Variants in BCKDHB observed in about 807,000 individuals in gnomAD.
BCKDHB encodes branched chain keto acid dehydrogenase E1 subunit beta.
In BCKDHB, 41 loss-of-function variants were observed where a neutral mutation model predicts 48.5. That is an observed-to-expected ratio of 0.85 (90% confidence interval 0.66 to 1.10). The LOEUF (loss-of-function observed/expected upper bound fraction) is 1.10, where lower values mean the gene tolerates loss of function less well. Ranked by LOEUF, BCKDHB falls within the 50% of genes least tolerant of loss-of-function variation. BCKDHB has a pLI of 0.00. For synonymous variants in BCKDHB, 201 were observed against 174.8 expected, an observed-to-expected ratio of 1.15 and a Z score of -1.18; for missense variants, 496 against 494.2, an observed-to-expected ratio of 1.00 and a Z score of -0.03.
intron 8 of BCKDHB, among the ~76,000 whole-genome samples, chr6:80,217,715 C>A (rs1314112545): frequency 6.6e-6 from 1 of 152,166 alleles, no homozygotes; most frequent in Non-Finnish European, 1.5e-5. Flanking sequence ...ATACATTGCA[C>A]AGATATTTCT....
intron 3 of BCKDHB, among the ~76,000 whole-genome samples, chr6:80,160,897 T>G (rs1772279737): frequency 6.6e-6 from 1 of 152,224 alleles, no homozygotes; most frequent in African/African-American, 2.4e-5. Flanking sequence ...ATTTCTTTTA[T>G]TTTAGTTATC....
At chr6:80,110,397 G>GT (rs1380931403) in intron 1 of BCKDHB, among the ~76,000 whole-genome samples, 2 of 152,134 alleles carry the variant, frequency 1.3e-5, no homozygotes, top group African/African-American at 2.4e-5. Flanking sequence ...ACTTTTTGTA[G>GT]TTTTTTCATC....
chr6:80,263,072 T>C (rs1353310089), intron 8 of BCKDHB, among the ~76,000 whole-genome samples: 1 of 152,216 alleles, frequency 6.6e-6, no homozygotes, highest in African/African-American at 2.4e-5. Flanking sequence ...TTAAATTGTA[T>C]TTCTGGAGAA....
At chr6:80,122,536 C>T (rs530561201) in intron 1 of BCKDHB, among the ~76,000 whole-genome samples, 75 of 152,230 alleles carry the variant, frequency 4.9e-4, no homozygotes, top group Admixed American at 7.2e-4. Context: ...ACAGCTGGGC[C>T]GCCGGGGGTG....
the BCKDHB span, among the ~76,000 whole-genome samples, chr6:80,420,323 C>T: frequency 6.6e-6 from 1 of 152,200 alleles, no homozygotes. Context: ...AGGCCTTCTA[C>T]ATATTCTGGT....
the BCKDHB span, among the ~76,000 whole-genome samples, chr6:80,376,934 C>G: frequency 6.6e-6 from 1 of 151,904 alleles, no homozygotes; most frequent in East Asian, 1.9e-4. Context: ...TTTGTATATT[C>G]TAGATACAAG....
intron 3 of BCKDHB, among the ~76,000 whole-genome samples, chr6:80,133,134 TG>T: frequency 6.6e-6 from 1 of 152,306 alleles, no homozygotes; most frequent in South Asian, 2.1e-4. Context: ...AGTCAGCAGG[TG>T]GCAGCCTACC....
chr6:80,338,830 C>A (rs1216119383), intron 9 of BCKDHB, among the ~76,000 whole-genome samples: 1 of 152,042 alleles, frequency 6.6e-6, no homozygotes, highest in East Asian at 1.9e-4. Flanking sequence ...GGCAAGATAA[C>A]AATAGAGTCA....
At chr6:80,414,926 T>C in the BCKDHB span, among the ~76,000 whole-genome samples, 12 of 152,136 alleles carry the variant, frequency 7.9e-5, no homozygotes, top group Admixed American at 6.6e-4. Context: ...CATTCCTGAT[T>C]TCTTTGAACA....
At chr6:80,152,782 C>T (rs1296867727) in intron 3 of BCKDHB, among the ~76,000 whole-genome samples, 3 of 152,244 alleles carry the variant, frequency 2.0e-5, no homozygotes, top group East Asian at 1.9e-4. Context: ...GTGAGTTGGT[C>T]CTGTACTTCC....
At chr6:80,410,760 A>G in the BCKDHB span, among the ~76,000 whole-genome samples, 1 of 152,310 alleles carries the variant, frequency 6.6e-6, no homozygotes, top group Non-Finnish European at 1.5e-5. Context: ...TGCATGCATC[A>G]TGAAGTTCTC....
chr6:80,245,000 T>A (rs1313858543), intron 8 of BCKDHB, among the ~76,000 whole-genome samples: 1 of 152,128 alleles, frequency 6.6e-6, no homozygotes, highest in Non-Finnish European at 1.5e-5. Flanking sequence ...GTGGCCTGAG[T>A]GTGGTTCTTG....
At position 80,273,227 on chromosome 6, in the gene BCKDHB, G is replaced by GT; in HGVS notation, c.1038+7dup. ...AAATCAGCTCTACAGTTCAGGTAGA[G>GT]TAATTTTTGGAACTGATTTCAATGC... is the stretch of plus-strand genomic sequence containing the variant. On this transcript the variant is annotated splice_region_variant and intron_variant, in intron 9 of 9. Transcript: ENST00000320393. The GT allele has an allele frequency of 4.3e-6, 7 of 1,611,800 alleles. No individual in the cohort carries two copies. Among genetic ancestry groups the GT allele is most frequent in the Non-Finnish European group, 5.9e-6 (7 of 1,178,168 alleles).
chr6:80,234,882 G>A (rs80139564), intron 8 of BCKDHB, among the ~76,000 whole-genome samples: 4,149 of 152,096 alleles, frequency 0.027, 177 homozygotes, highest in African/African-American at 0.094. Flanking sequence ...ATGAAATCCT[G>A]TCATTTGCAG....
intron 8 of BCKDHB, 59 bp downstream of exon 8, chr6:80,203,271 T>TACAAC: frequency 7.7e-6 from 9 of 1,162,254 alleles, no homozygotes; most frequent in South Asian, 1.2e-5. Context: ...AAATATGTTG[T>TACAAC]ATATTTGCAA....
At chr6:80,458,611 T>C in the BCKDHB span, among the ~76,000 whole-genome samples, 1 of 152,198 alleles carries the variant, frequency 6.6e-6, no homozygotes, top group African/African-American at 2.4e-5. Context: ...CAAGCATGTG[T>C]AATAGAAATC....
chr6:80,301,695 C>G (rs1233073594), intron 9 of BCKDHB, among the ~76,000 whole-genome samples: 1 of 152,026 alleles, frequency 6.6e-6, no homozygotes, highest in Non-Finnish European at 1.5e-5. Context: ...CGCAGAGACA[C>G]AACAACAAAA....
chr6:80,195,342 C>G lies in BCKDHB; in HGVS notation c.743-5592C>G, dbSNP rs573118524. On this transcript the variant is annotated intron_variant, in intron 6 of 9. Coordinates refer to ENST00000320393, the MANE Select transcript of BCKDHB (RefSeq NM_183050.4). ...TAAAAGTGATTACTAGAAGAAAGTG[C>G]ACTTAGTTTTCTTGTTCATATATTC... Among the ~76,000 whole-genome samples, 3 of 152,114 alleles carry G rather than the reference C, an allele frequency of 2.0e-5. No individual in the cohort carries two copies. In the East Asian group the frequency reaches 5.8e-4, roughly 29 times the overall value.
At chr6:80,451,668 G>A in the BCKDHB span, among the ~76,000 whole-genome samples, 1 of 151,906 alleles carries the variant, frequency 6.6e-6, no homozygotes, top group African/African-American at 2.4e-5. Flanking sequence ...AGCGGAGGTT[G>A]CAATGAGCGG....
Sources: allele counts gnomAD v4.1 joint callset (sites outside exome capture counted in the v4.1 genomes callset), GRCh38; gene constraint gnomAD v4.1.1; transcripts MANE v1.5; gene names NCBI Gene and HGNC (gene_info 2026-07-23, HGNC 2026-07-21).